FBXL13: variants seen among roughly 807,000 people sequenced by gnomAD.
FBXL13 encodes the protein F-box and leucine-rich repeat protein 13.
FBXL13 carries 67 observed loss-of-function variants against 83.6 expected under a neutral mutation model. That is an observed-to-expected ratio of 0.80 (90% CI 0.66 to 0.98). The LOEUF is 0.98. Ranked by LOEUF, FBXL13 falls within the 50% of genes least tolerant of loss-of-function variation. The pLI is 0.00. For synonymous variants in FBXL13, 272 were observed against 299.5 expected (o/e 0.91, Z 0.95); for missense variants, 822 against 866.5 (o/e 0.95, Z 0.64).
intron 18 of FBXL13, among the ~76,000 whole-genome samples, chr7:102,828,941 TAG>T (rs1218008980): frequency 2.6e-5 from 4 of 152,142 alleles, no homozygotes; most frequent in Non-Finnish European, 4.4e-5. Context: ...CTCCCTTTTG[TAG>T]ATTGTCATTC....
Position 103,055,082 on chromosome 7 carries a change from A to AATT in FBXL13, c.-1+559_-1+561dup, listed in dbSNP as rs1304263413. Reference sequence around the variant, plus strand: ...TATTTGCGTATTCTTGATTACTAATAATTACCAGCTGATCATCCAATTCAA... The same window carrying AATT: ...TATTTGCGTATTCTTGATTACTAATAATTATTACCAGCTGATCATCCAATTCAA... On this transcript the variant is annotated intron_variant, in intron 2 of 19. Transcript: ENST00000313221. 1 of 1,268,000 alleles carries AATT rather than the reference A, an allele frequency of 7.9e-7. No individual in the cohort carries two copies. The highest frequency in any genetic ancestry group is 1.0e-6 in the Non-Finnish European group (1 of 972,356). The allele number at this position is 1,268,000 out of a possible 1,614,324, so 78.5% of individuals were successfully genotyped here. A position where few individuals can be genotyped will look rare whatever the true frequency, so the allele number is the denominator to read the frequency against.
At chr7:102,826,476 C>T (rs970459687) in intron 18 of FBXL13, among the ~76,000 whole-genome samples, 1 of 151,572 alleles carries the variant, frequency 6.6e-6, no homozygotes, top group Non-Finnish European at 1.5e-5. Flanking sequence ...TGGCTCATGC[C>T]TATAATCCTA....
chr7:103,036,516 G>GATTT (rs775592767), intron 2 of FBXL13, among the ~76,000 whole-genome samples: 5 of 151,882 alleles, frequency 3.3e-5, no homozygotes, highest in African/African-American at 7.3e-5. Flanking sequence ...GCAAATTACT[G>GATTT]ATTTATTTAT....
intron 16 of FBXL13, among the ~76,000 whole-genome samples, chr7:102,867,229 G>A (rs944814139): frequency 3.3e-5 from 5 of 151,992 alleles, no homozygotes; most frequent in Admixed American, 1.3e-4. Flanking sequence ...ATGATGGTAT[G>A]TGCCTGTAGT....
chr7:103,057,643 A>G (rs1357465765), intron 1 of FBXL13, among the ~76,000 whole-genome samples: 1 of 152,242 alleles, frequency 6.6e-6, no homozygotes, highest in East Asian at 1.9e-4. Context: ...GACTTGCTGG[A>G]TCTAAGATAC....
At chr7:103,038,477 G>A (rs987041950) in intron 2 of FBXL13, among the ~76,000 whole-genome samples, 11 of 152,336 alleles carry the variant, frequency 7.2e-5, no homozygotes, top group African/African-American at 1.4e-4. Context: ...TCAGCACGGC[G>A]TTCAAGCTCT....
intron 8 of FBXL13, among the ~76,000 whole-genome samples, chr7:102,946,580 T>C (rs1209633642): frequency 6.6e-6 from 1 of 152,012 alleles, no homozygotes; most frequent in Non-Finnish European, 1.5e-5. Flanking sequence ...AAACAGAGAA[T>C]GGGAAGCCAG....
chr7:103,017,598 A>G (rs901623879), intron 6 of FBXL13, among the ~76,000 whole-genome samples: 1 of 152,258 alleles, frequency 6.6e-6, no homozygotes, highest in African/African-American at 2.4e-5. Flanking sequence ...TGAATAGCTA[A>G]CTAGAATAAC....
At chr7:103,020,998 G>C (rs1217739244) in intron 6 of FBXL13, among the ~76,000 whole-genome samples, 2 of 152,050 alleles carry the variant, frequency 1.3e-5, no homozygotes, top group African/African-American at 4.8e-5. Context: ...AGTTCGTATG[G>C]AACCAAAAAA....
chr7:102,855,317 GAATA>G (rs1283103307), intron 16 of FBXL13, among the ~76,000 whole-genome samples: 1 of 152,078 alleles, frequency 6.6e-6, no homozygotes, highest in Non-Finnish European at 1.5e-5. Context: ...AAGAGGAAGA[GAATA>G]GATCTTTATA....
Position 102,975,589 on chromosome 7 carries a change from C to T in FBXL13, c.496-7472G>A, listed in dbSNP as rs148066003. The stretch of plus-strand genomic sequence containing the variant: ...CCATAAAGTGGTAAACTATGAAAAA[C>T]TTTCAGAAATCACCCAAGGTCCTAA... On this transcript the variant is annotated intron_variant, in intron 6 of 19. Coordinates refer to ENST00000313221, the Ensembl canonical transcript of FBXL13. 1.5e-3 allele frequency among the ~76,000 whole-genome samples: 228 copies of T among 152,302 alleles called. 3 individuals carry two copies. Among genetic ancestry groups the T allele is most frequent in the Non-Finnish European group, 3.1e-3 (208 of 68,028 alleles).
intron 17 of FBXL13, among the ~76,000 whole-genome samples, chr7:102,833,951 A>T (rs1298909767): frequency 6.6e-6 from 1 of 151,864 alleles, no homozygotes; most frequent in Non-Finnish European, 1.5e-5. Flanking sequence ...TACAAGAACA[A>T]AACAATCCAC....
At chr7:103,042,332 A>G (rs929712382) in intron 2 of FBXL13, among the ~76,000 whole-genome samples, 5 of 152,238 alleles carry the variant, frequency 3.3e-5, no homozygotes, top group African/African-American at 1.2e-4. Flanking sequence ...GAGGACACAA[A>G]CAAATGGAAG....
At chr7:103,014,709 G>A (rs1324715281) in intron 6 of FBXL13, among the ~76,000 whole-genome samples, 1 of 151,928 alleles carries the variant, frequency 6.6e-6, no homozygotes, top group African/African-American at 2.4e-5. Context: ...GGATCATGAG[G>A]TCAGGAGATC....
At chr7:103,022,365 G>T (rs1169486341) in intron 6 of FBXL13, among the ~76,000 whole-genome samples, 2 of 151,868 alleles carry the variant, frequency 1.3e-5, no homozygotes, top group Admixed American at 1.3e-4. Context: ...AGCATTAGGA[G>T]ATATACCTAA....
At chr7:103,008,259 T>A (rs1396317372) in intron 6 of FBXL13, among the ~76,000 whole-genome samples, 1 of 152,212 alleles carries the variant, frequency 6.6e-6, no homozygotes, top group Non-Finnish European at 1.5e-5. Flanking sequence ...TGAGGAACTA[T>A]TCCAAACTGG....
At chr7:103,043,547 C>T (rs934429944) in intron 2 of FBXL13, among the ~76,000 whole-genome samples, 20 of 152,192 alleles carry the variant, frequency 1.3e-4, no homozygotes, top group South Asian at 4.1e-4. Flanking sequence ...ATGGCACCTC[C>T]GTCGCCGAGG....
chr7:102,973,870 C>G (rs987800879), intron 6 of FBXL13: 1 of 693,442 alleles, frequency 1.4e-6, no homozygotes, highest in African/African-American at 1.8e-5. Context: ...AAGGCTCCGA[C>G]GTGTGCCAGG....
At chr7:103,009,449 C>G in intron 6 of FBXL13, among the ~76,000 whole-genome samples, 1 of 152,202 alleles carries the variant, frequency 6.6e-6, no homozygotes, top group East Asian at 1.9e-4. Context: ...GGGTGAGAGC[C>G]CCCAGGGGGA....
Sources: gnomAD v4.1 joint callset for allele counts (sites outside exome capture counted in the v4.1 genomes callset) on GRCh38, gnomAD v4.1.1 for gene constraint, MANE v1.5 for transcripts, NCBI Gene and HGNC (gene_info 2026-07-23, HGNC 2026-07-21) for gene names.